Variants in HPSE2 observed in about 807,000 individuals in gnomAD.
HPSE2 encodes the protein heparanase 2 (inactive).
A neutral mutation model predicts 60.5 loss-of-function variants in HPSE2; 38 were observed. The observed-to-expected ratio is 0.63, with a 90% CI of 0.48 to 0.82. The LOEUF (loss-of-function observed/expected upper bound fraction) is 0.82. Among genes scored for constraint, HPSE2 ranks in the 40% least tolerant of loss-of-function variants. The pLI, the probability that HPSE2 is intolerant of heterozygous loss-of-function variation, is 0.00. For missense variants in HPSE2, 713 were observed against 740.4 expected (o/e 0.96, Z 0.43); for synonymous variants, 295 against 293.2 (o/e 1.01, Z -0.06).
chr10:98,525,525 C>T (rs1942939354), intron 9 of HPSE2, among the ~76,000 whole-genome samples: 2 of 152,192 alleles, frequency 1.3e-5, no homozygotes, highest in Admixed American at 1.3e-4. Flanking sequence ...GGCTTTTTGA[C>T]AATGAAAGGA....
In HPSE2 at chr10:98,673,140, T is replaced by C. The variant is rs144766907; in HGVS notation, c.1004+20760A>G. 2.3e-3 allele frequency among the ~76,000 whole-genome samples: 357 copies of C among 152,286 alleles called. 4 individuals carry two copies. Among genetic ancestry groups the C allele is most frequent in the African/African-American group, 8.3e-3 (345 of 41,574 alleles). The stretch of plus-strand genomic sequence containing the variant: ...ATGCAAGCTCCCAAATGAATAACTG[T>C]CTGTAATCTGAGGAATACAATCAAA... On this transcript the variant is annotated intron_variant, in intron 6 of 11. Coordinates refer to ENST00000370552, the MANE Select transcript of HPSE2 (RefSeq NM_021828.5).
chr10:98,706,043 T>G (rs564786247), intron 5 of HPSE2, among the ~76,000 whole-genome samples: 1 of 152,336 alleles, frequency 6.6e-6, no homozygotes, highest in East Asian at 1.9e-4. Flanking sequence ...GTTTCTTATA[T>G]GTATAGCTTC....
intron 3 of HPSE2, among the ~76,000 whole-genome samples, chr10:99,135,762 T>G (rs998400034): frequency 6.6e-6 from 1 of 152,078 alleles, no homozygotes; most frequent in African/African-American, 2.4e-5. Flanking sequence ...AGATAAAAAA[T>G]TAAAACAATT....
chr10:98,628,926 A>C (rs1320080150), intron 7 of HPSE2, among the ~76,000 whole-genome samples: 3 of 152,116 alleles, frequency 2.0e-5, no homozygotes, highest in African/African-American at 7.2e-5. Flanking sequence ...AGAAAAAAAA[A>C]ACAGTAAAAA....
chr10:99,052,396 G>A lies in HPSE2; in HGVS notation c.610+91842C>T, dbSNP rs547003343. ...TAAAGACCACAGAGAAAAAAAGACA[G>A]GACAAAATGAATAGAGTTTCAATAG... On this transcript the variant is annotated intron_variant, in intron 3 of 11. Coordinates refer to ENST00000370552, the MANE Select transcript of HPSE2 (RefSeq NM_021828.5). Among the ~76,000 whole-genome samples the A allele has an allele frequency of 4.7e-5, 7 of 150,386 alleles. No individual in the cohort carries two copies. The East Asian group carries it at 1.4e-3, about 29-fold the overall frequency.
chr10:98,523,686 C>T (rs550882311), intron 9 of HPSE2, among the ~76,000 whole-genome samples: 21 of 152,240 alleles, frequency 1.4e-4, no homozygotes, highest in African/African-American at 3.4e-4. Context: ...ATCACCATTC[C>T]GCAGTTTTAA....
At chr10:98,665,448 G>C (rs1187579310) in intron 6 of HPSE2, among the ~76,000 whole-genome samples, 1 of 152,128 alleles carries the variant, frequency 6.6e-6, no homozygotes, top group Non-Finnish European at 1.5e-5. Context: ...CCCTGTGAGA[G>C]ACCATGTAAG....
intron 6 of HPSE2, among the ~76,000 whole-genome samples, chr10:98,656,262 A>G (rs1947060228): frequency 1.3e-5 from 2 of 151,860 alleles, no homozygotes; most frequent in African/African-American, 4.8e-5. Context: ...ATGCTTTGTA[A>G]TTTTAGTACA....
At chr10:98,562,740 G>A (rs764005560) in intron 9 of HPSE2, among the ~76,000 whole-genome samples, 3 of 149,108 alleles carry the variant, frequency 2.0e-5, no homozygotes, top group Non-Finnish European at 3.0e-5. Flanking sequence ...AAAAAAATCT[G>A]CTGGTCTACT....
intron 9 of HPSE2, among the ~76,000 whole-genome samples, chr10:98,514,466 G>A (rs1942524004): frequency 6.6e-6 from 1 of 152,084 alleles, no homozygotes; most frequent in African/African-American, 2.4e-5. Context: ...AAGAAAAAAG[G>A]AATGAATTTC....
intron 3 of HPSE2, among the ~76,000 whole-genome samples, chr10:98,845,248 T>C (rs1760032232): frequency 6.6e-6 from 1 of 152,198 alleles, no homozygotes; most frequent in Non-Finnish European, 1.5e-5. Context: ...GCCTATTCCT[T>C]GACTCCTCTC....
At chr10:98,936,811 T>C (rs34925568) in intron 3 of HPSE2, among the ~76,000 whole-genome samples, 7,951 of 140,562 alleles carry the variant, frequency 0.057, 885 homozygotes, top group Non-Finnish European at 0.08. Flanking sequence ...AAACCCTGTG[T>C]CCCCTAAAAA....
At chr10:98,856,776 T>A (rs1341469200) in intron 3 of HPSE2, among the ~76,000 whole-genome samples, 1 of 152,154 alleles carries the variant, frequency 6.6e-6, no homozygotes, top group Non-Finnish European at 1.5e-5. Context: ...AAATAGAGAT[T>A]TTTTTCAACT....
At chr10:98,936,997 A>C (rs868699557) in intron 3 of HPSE2, among the ~76,000 whole-genome samples, 3 of 140,650 alleles carry the variant, frequency 2.1e-5, no homozygotes, top group African/African-American at 9.0e-5. Context: ...AAAAAAAAAA[A>C]AAAAAAAACA....
chr10:99,282,317 C>T, the HPSE2 span, among the ~76,000 whole-genome samples: 1 of 152,074 alleles, frequency 6.6e-6, no homozygotes. Flanking sequence ...TGAAAAAAGG[C>T]TTAACTCATC....
chr10:99,061,724 A>G (rs569223804), intron 3 of HPSE2, among the ~76,000 whole-genome samples: 2 of 152,326 alleles, frequency 1.3e-5, no homozygotes, highest in African/African-American at 4.8e-5. Context: ...TGGCTCTGCC[A>G]ATTACTAGCT....
At chr10:98,726,122 A>G (rs1359249403) in intron 4 of HPSE2, among the ~76,000 whole-genome samples, 1 of 152,318 alleles carries the variant, frequency 6.6e-6, no homozygotes, top group Middle Eastern at 3.4e-3. Flanking sequence ...TGACCCAGCC[A>G]TCCCATTACT....
rs544902469 is a variant in HPSE2 at position 98,979,544 on chromosome 10, G to A, written c.610+164694C>T. Among the ~76,000 whole-genome samples the A allele has an allele frequency of 1.7e-4, 26 of 152,268 alleles. No homozygotes were observed. The South Asian group carries it at 5.2e-3, about 30-fold the overall frequency. Reference sequence around the variant, plus strand: ...TTATTATAAAGGAATACTGTATTCAGTTAATTATTTGTACAAAAGACATAT... The same window carrying A: ...TTATTATAAAGGAATACTGTATTCAATTAATTATTTGTACAAAAGACATAT... On this transcript the variant is annotated intron_variant, in intron 3 of 11. Transcript: ENST00000370552.
intron 3 of HPSE2, among the ~76,000 whole-genome samples, chr10:98,964,250 A>C (rs961839664): frequency 1.3e-5 from 2 of 152,112 alleles, no homozygotes; most frequent in Non-Finnish European, 2.9e-5. Context: ...AATGTATAAC[A>C]TAATTCCTAT....
Sources: gnomAD v4.1 joint callset for allele counts (sites outside exome capture counted in the v4.1 genomes callset) on GRCh38, gnomAD v4.1.1 for gene constraint, MANE v1.5 for transcripts, NCBI Gene and HGNC (gene_info 2026-07-23, HGNC 2026-07-21) for gene names.